The following NCOA2 variants were observed in gnomAD, a reference collection of about 807,000 sequenced individuals.
NCOA2 encodes class E basic helix-loop-helix protein 75.
In NCOA2, 21 loss-of-function variants were observed where a neutral mutation model predicts 145.1. That is an observed-to-expected ratio of 0.14 (90% CI 0.10 to 0.21). The LOEUF is 0.21. Among genes scored for constraint, NCOA2 ranks in the 10% least tolerant of loss-of-function variants. The probability of loss-of-function intolerance (pLI) is 1.00; values close to 1 mark genes in which losing one functional copy is unlikely to be tolerated. For missense variants in NCOA2, 1,472 were observed against 1,837.6 expected, an observed-to-expected ratio of 0.80 and a Z score of 3.64; for synonymous variants, 619 against 637.5, an observed-to-expected ratio of 0.97 and a Z score of 0.44.
intron 2 of NCOA2, among the ~76,000 whole-genome samples, chr8:70,259,793 G>A (rs1283858172): frequency 6.6e-6 from 1 of 152,126 alleles, no homozygotes; most frequent in African/African-American, 2.4e-5. Context: ...TATACTAAAT[G>A]TTATTACAAA....
chr8:70,205,327 C>A (rs1363687574), intron 4 of NCOA2, among the ~76,000 whole-genome samples: 1 of 151,958 alleles, frequency 6.6e-6, no homozygotes, highest in Non-Finnish European at 1.5e-5. Flanking sequence ...ATAATCACAC[C>A]AAAGTGAAAA....
Position 70,137,517 on chromosome 8 carries a change from G to T in NCOA2, c.3158+686C>A, listed in dbSNP as rs148248920. ...GTTATATTCAAGTTTCCATGGAAAT[G>T]GGTGGGTTTCTAACATATCAAATAA... On this transcript the variant is annotated intron_variant, in intron 15 of 22. Transcript: ENST00000452400. Among the ~76,000 whole-genome samples the T allele has an allele frequency of 5.9e-3, 893 of 152,302 alleles. 5 individuals carry two copies. The highest frequency in any genetic ancestry group is 0.02 in the African/African-American group (831 of 41,562).
Position 70,314,484 on chromosome 8 carries a change from C to T in NCOA2, c.-76-17684G>A, listed in dbSNP as rs1805416417. Among the ~76,000 whole-genome samples the T allele has an allele frequency of 2.0e-5, 3 of 152,076 alleles. No homozygotes were observed. The South Asian group carries it at 6.2e-4, about 31-fold the overall frequency. ...ATTAAAAAAATTGAACTACCATCTCCAGTGCCTAAATTCCATGATGTAATA... is the reference window on the plus strand; with the variant it reads ...ATTAAAAAAATTGAACTACCATCTCTAGTGCCTAAATTCCATGATGTAATA... On this transcript the variant is annotated intron_variant, in intron 1 of 22. Coordinates refer to ENST00000452400, the MANE Select transcript of NCOA2 (RefSeq NM_006540.4).
chr8:70,291,157 AAC>A (rs1458962908), intron 2 of NCOA2, among the ~76,000 whole-genome samples: 1 of 152,204 alleles, frequency 6.6e-6, no homozygotes, highest in Non-Finnish European at 1.5e-5. Context: ...AAAAACAACA[AAC>A]AGATATGTAT....
At chr8:70,437,750 A>G in the NCOA2 span, among the ~76,000 whole-genome samples, 2 of 152,238 alleles carry the variant, frequency 1.3e-5, no homozygotes, top group Admixed American at 1.3e-4. Context: ...AGAACAAAAT[A>G]AATGAATGTA....
At chr8:70,312,196 A>G (rs75919741) in intron 1 of NCOA2, among the ~76,000 whole-genome samples, 8,486 of 152,262 alleles carry the variant, frequency 0.056, 299 homozygotes, top group East Asian at 0.16. Flanking sequence ...AAGGAAGGGG[A>G]AAAAATGGTG....
In NCOA2 at chr8:70,177,823, C is replaced by T. The variant is rs181640089; in HGVS notation, c.260-2964G>A. The stretch of plus-strand genomic sequence containing the variant: ...ATCACAAAGGCAACCCTGTGCCTAT[C>T]GCTGATCACTAGAAAACATCAGCCT... On this transcript the variant is annotated intron_variant, in intron 4 of 22. Coordinates refer to ENST00000452400, the MANE Select transcript of NCOA2 (RefSeq NM_006540.4). Among the ~76,000 whole-genome samples the T allele has an allele frequency of 6.5e-3, 996 of 152,254 alleles. 14 individuals are homozygous for T. The highest frequency in any genetic ancestry group is 0.023 in the African/African-American group (942 of 41,554).
rs559468636 is a variant in NCOA2, at chr8:70,174,838, A to C, written c.281T>G (p.Ile94Arg). 1 of 1,613,636 alleles carries C rather than the reference A, an allele frequency of 6.2e-7. No individual in the cohort carries two copies. Among genetic ancestry groups the C allele is most frequent in the East Asian group, 2.2e-5 (1 of 44,878 alleles). ...TACATCTGACTTCTGCACTTCATCTATGTTGGCAGCTGCTGCTTTCTCTGC... is the reference window on the plus strand; with the variant it reads ...TACATCTGACTTCTGCACTTCATCTCTGTTGGCAGCTGCTGCTTTCTCTGC... ...KEQEKAAAAN[I>R]DEVQKSDVSS... The change falls in exon 5 of 23, where the codon ATA becomes AGA. Residue 94 changes from isoleucine (I) to arginine (R), a missense_variant. Physicochemically the swap from Ile to Arg is moderately conservative, Grantham distance 97 (BLOSUM62 -3). Transcript: ENST00000452400.
At chr8:70,398,119 A>T (rs1813864164) in intron 1 of NCOA2, among the ~76,000 whole-genome samples, 1 of 152,206 alleles carries the variant, frequency 6.6e-6, no homozygotes. Context: ...AAATGAATGA[A>T]GCAATAGTAA....
intron 2 of NCOA2, among the ~76,000 whole-genome samples, chr8:70,281,728 C>T (rs1825899235): frequency 6.6e-6 from 1 of 152,176 alleles, no homozygotes; most frequent in African/African-American, 2.4e-5. Context: ...GGCCAAGGGT[C>T]AATGCTCAAG....
chr8:70,332,505 GA>G (rs1264878500), intron 1 of NCOA2, among the ~76,000 whole-genome samples: 1 of 152,100 alleles, frequency 6.6e-6, no homozygotes, highest in African/African-American at 2.4e-5. Context: ...GAAGTTGATA[GA>G]AAAGTCTGCC....
In NCOA2 at chr8:70,289,683, AAAAC is replaced by A. The variant is rs201453339; in HGVS notation, c.-20+7057_-20+7060del. Among the ~76,000 whole-genome samples the A allele has an allele frequency of 4.9e-3, 741 of 152,278 alleles. 26 individuals carry two copies. Among genetic ancestry groups the A allele is most frequent in the Admixed American group, 0.043 (658 of 15,288 alleles). On this transcript the variant is annotated intron_variant, in intron 2 of 22. Transcript: ENST00000452400. ...TAATTCTACTTTTTAAAAAGTAGTG[AAAAC>A]AAACAATTCCATACACAGTGGCACC...
chr8:70,226,681 A>AT (rs1563650160), intron 2 of NCOA2, among the ~76,000 whole-genome samples: 12 of 148,334 alleles, frequency 8.1e-5, no homozygotes, highest in African/African-American at 2.7e-4. Context: ...TATATATATA[A>AT]AACTATACTT....
chr8:70,192,145 G>T (rs917358365), intron 4 of NCOA2, among the ~76,000 whole-genome samples: 2 of 152,314 alleles, frequency 1.3e-5, no homozygotes, highest in South Asian at 4.1e-4. Context: ...ATTTCCAATT[G>T]TATCTGTACG....
the NCOA2 span, among the ~76,000 whole-genome samples, chr8:70,435,350 A>G: frequency 0.014 from 1,953 of 144,592 alleles, 47 homozygotes; most frequent in African/African-American, 0.048. Flanking sequence ...GCATGAACCC[A>G]AGAGGCGGAG....
chr8:70,259,742 A>T (rs1483811116), intron 2 of NCOA2, among the ~76,000 whole-genome samples: 1 of 152,236 alleles, frequency 6.6e-6, no homozygotes, highest in Non-Finnish European at 1.5e-5. Context: ...CAAAGCAATG[A>T]TTAAATAAAA....
chr8:70,435,480 G>A, the NCOA2 span, among the ~76,000 whole-genome samples: 1 of 141,358 alleles, frequency 7.1e-6, no homozygotes. Flanking sequence ...GAGTCACACT[G>A]CCCCAACTGA....
At chr8:70,224,084 GGAGA>G (rs919873904) in intron 2 of NCOA2, among the ~76,000 whole-genome samples, 2 of 152,186 alleles carry the variant, frequency 1.3e-5, no homozygotes, top group African/African-American at 4.8e-5. Flanking sequence ...TGCAGACACT[GGAGA>G]GAAAGTCATG....
At chr8:70,197,718 C>T (rs17675762) in intron 4 of NCOA2, among the ~76,000 whole-genome samples, 13,197 of 152,198 alleles carry the variant, frequency 0.087, 724 homozygotes, top group Non-Finnish European at 0.13. Flanking sequence ...TTTAAACTGA[C>T]ACAGCAGTTA....
Sources: allele counts gnomAD v4.1 joint callset (sites outside exome capture counted in the v4.1 genomes callset), GRCh38; gene constraint gnomAD v4.1.1; transcripts MANE v1.5; gene names NCBI Gene and HGNC (gene_info 2026-07-23, HGNC 2026-07-21).